The following VPS13D variants were observed in gnomAD, a reference collection of about 807,000 sequenced individuals.
VPS13D encodes vacuolar protein sorting 13 homolog D.
In VPS13D, 187 loss-of-function variants were observed where a neutral mutation model predicts 461.9. The observed-to-expected ratio is 0.40, with a 90% CI of 0.36 to 0.46. VPS13D has a LOEUF of 0.46. Ranked by LOEUF, VPS13D falls within the 20% of genes least tolerant of loss-of-function variation. VPS13D has a pLI of 0.60. For synonymous variants in VPS13D, 1,951 were observed against 1,986.3 expected (o/e 0.98, Z 0.47); for missense variants, 4,711 against 5,364.9 (o/e 0.88, Z 3.81).
At chr1:12,389,100 A>G (rs145187893) in intron 60 of VPS13D, among the ~76,000 whole-genome samples, 78 of 152,324 alleles carry the variant, frequency 5.1e-4, no homozygotes, top group African/African-American at 1.4e-4. Flanking sequence ...TTGGAGTCCA[A>G]TGTTCAAGGG....
At chr1:12,457,989 A>G (rs1645352712) in intron 66 of VPS13D, among the ~76,000 whole-genome samples, 2 of 152,222 alleles carry the variant, frequency 1.3e-5, no homozygotes, top group African/African-American at 4.8e-5. Context: ...GGTGGCCTTT[A>G]TCTGGCCAGC....
At chr1:12,430,589 C>T (rs371838895) in intron 65 of VPS13D, among the ~76,000 whole-genome samples, 1 of 152,188 alleles carries the variant, frequency 6.6e-6, no homozygotes, top group Admixed American at 6.5e-5. Context: ...TTGCCAAGAC[C>T]GTGCAGTCAG....
At chr1:12,267,775 G>C (rs1406814897) in intron 14 of VPS13D, 70 bp from the exon 15 acceptor site, 5 of 1,376,884 alleles carry the variant, frequency 3.6e-6, no homozygotes, top group South Asian at 1.2e-5. Flanking sequence ...TGAAGGGTAA[G>C]ATGGGTTTGT....
At chr1:12,314,049 T>C in intron 29 of VPS13D, 66 bp from the exon 30 acceptor site, 2 of 1,449,408 alleles carry the variant, frequency 1.4e-6, no homozygotes, top group Non-Finnish European at 1.9e-6. Context: ...ATCTCGAACT[T>C]ATATACTTTT....
intron 22 of VPS13D, among the ~76,000 whole-genome samples, chr1:12,289,242 T>C (rs1259118248): frequency 6.6e-6 from 1 of 152,072 alleles, no homozygotes; most frequent in Non-Finnish European, 1.5e-5. Context: ...AAAAATAATA[T>C]TTTAACTTAT....
intron 65 of VPS13D, among the ~76,000 whole-genome samples, chr1:12,444,530 T>C (rs546878572): frequency 1.3e-5 from 2 of 152,306 alleles, no homozygotes; most frequent in East Asian, 3.9e-4. Context: ...CCTTTTTTAC[T>C]ATGTCACTTA....
Position 12,409,808 on chromosome 1 carries a change from G to A in VPS13D, c.12031-5279G>A, listed in dbSNP as rs1280807455. The stretch of plus-strand genomic sequence containing the variant: ...GACAGATCGTGGGGGCGGGGTTGGG[G>A]AGTGTCCATGTGAAGCCATTGGAAA... On this transcript the variant is annotated intron_variant, in intron 63 of 69. Coordinates refer to ENST00000620676, the MANE Select transcript of VPS13D (RefSeq NM_015378.4). 13 of 454,378 alleles carry A rather than the reference G, an allele frequency of 2.9e-5. No homozygotes were observed. In the East Asian group the frequency reaches 3.5e-4, roughly 12 times the overall value. The allele number at this position is 454,378 out of a possible 1,614,324, so 28.1% of individuals were successfully genotyped here. A position where few individuals can be genotyped will look rare whatever the true frequency, so the allele number is the denominator to read the frequency against.
At chr1:12,235,088 G>T (rs763244785) in intron 2 of VPS13D, among the ~76,000 whole-genome samples, 1 of 152,122 alleles carries the variant, frequency 6.6e-6, no homozygotes, top group Non-Finnish European at 1.5e-5. Flanking sequence ...TTTAACATAC[G>T]TAGGGAAGAG....
chr1:12,488,587 C>A (rs1444244075), intron 67 of VPS13D, among the ~76,000 whole-genome samples: 1 of 147,524 alleles, frequency 6.8e-6, no homozygotes, highest in Non-Finnish European at 1.5e-5. Flanking sequence ...AGAAATAAAT[C>A]TGAAAATATT....
intron 65 of VPS13D, among the ~76,000 whole-genome samples, chr1:12,421,635 C>G (rs750291279): frequency 1.8e-4 from 28 of 152,182 alleles, no homozygotes; most frequent in African/African-American, 6.0e-4. Context: ...AACAAAATCT[C>G]AGATATTAAC....
chr1:12,491,435 G>A (rs751842047), intron 67 of VPS13D, among the ~76,000 whole-genome samples: 4 of 152,178 alleles, frequency 2.6e-5, no homozygotes, highest in East Asian at 1.9e-4. Context: ...GTTACTCATC[G>A]TATAAGCTAC....
chr1:12,231,090 C>T (rs1453064468), intron 1 of VPS13D, among the ~76,000 whole-genome samples: 2 of 152,222 alleles, frequency 1.3e-5, no homozygotes, highest in Non-Finnish European at 2.9e-5. Context: ...GGTCTGGCCG[C>T]TCCTCAGGGG....
chr1:12,325,420 C>T (rs1643155460), intron 35 of VPS13D, among the ~76,000 whole-genome samples: 2 of 152,148 alleles, frequency 1.3e-5, no homozygotes, highest in African/African-American at 4.8e-5. Flanking sequence ...CCACCATGCC[C>T]AGCTAATTTT....
chr1:12,259,742 AT>A (rs1490130839), intron 10 of VPS13D, among the ~76,000 whole-genome samples: 3 of 152,210 alleles, frequency 2.0e-5, no homozygotes, highest in Non-Finnish European at 4.4e-5. Flanking sequence ...AGGACAGCTA[AT>A]TCCGCTTTTA....
At chr1:12,262,728 G>C (rs1414800350) in intron 13 of VPS13D, among the ~76,000 whole-genome samples, 1 of 150,294 alleles carries the variant, frequency 6.7e-6, no homozygotes, top group Non-Finnish European at 1.5e-5. Flanking sequence ...TTTTGAGACA[G>C]AGTCTTGCTC....
chr1:12,499,497 C>A (rs1646006556), intron 68 of VPS13D: 2 of 985,356 alleles, frequency 2.0e-6, no homozygotes, highest in African/African-American at 3.5e-5. Context: ...TTGCGTGGTA[C>A]AGCCAACATA....
chr1:12,439,698 G>T (rs1331366431), intron 65 of VPS13D, among the ~76,000 whole-genome samples: 1 of 152,184 alleles, frequency 6.6e-6, no homozygotes, highest in Non-Finnish European at 1.5e-5. Context: ...CCTTAGAACA[G>T]TGCCTGGCAA....
intron 30 of VPS13D, 100 bp from the exon 31 acceptor site, chr1:12,317,972 C>T: frequency 2.4e-6 from 3 of 1,263,552 alleles, no homozygotes; most frequent in Non-Finnish European, 3.3e-6. Context: ...TTGGAAAATA[C>T]CGGAATACCA....
chr1:12,299,126 T>C lies in VPS13D; in HGVS notation c.6034-76T>C. The stretch of plus-strand genomic sequence containing the variant: ...ATTGTTTTATAAACTCACGAAACTT[T>C]TGGGAACCTGAGGTTATTTGGTGGT... On this transcript the variant is annotated intron_variant, in intron 24 of 69. Transcript: ENST00000620676. This position sits in a 1 kb window ranked among gnomAD's most constrained non-coding sequence, Gnocchi z 4.2. The C allele has an allele frequency of 1.4e-6, 2 of 1,420,204 alleles. No homozygotes were observed. The highest frequency in any genetic ancestry group is 1.9e-6 in the Non-Finnish European group (2 of 1,059,560). 88.0% of individuals were successfully genotyped at this position (1,420,204 alleles called of 1,614,324 possible). A position where few individuals can be genotyped will look rare whatever the true frequency, so the allele number is the denominator to read the frequency against.
Sources: gnomAD v4.1 joint callset for allele counts (sites outside exome capture counted in the v4.1 genomes callset) on GRCh38, gnomAD v4.1.1 for gene constraint, Gnocchi (gnomAD v3.1) non-coding constraint, MANE v1.5 for transcripts, NCBI Gene and HGNC (gene_info 2026-07-23, HGNC 2026-07-21) for gene names.